Variants in RBFOX1 observed in about 807,000 individuals in gnomAD.
RBFOX1 encodes the protein RNA binding protein fox-1 homolog 1.
Under a neutral mutation model 57.7 loss-of-function variants are expected in RBFOX1, and 8 were observed. The ratio of observed to expected loss-of-function variants is 0.14; its 90% CI spans 0.08 to 0.25. RBFOX1 has a LOEUF of 0.25. RBFOX1 is among the 10% of genes least tolerant of loss of function. RBFOX1 has a pLI of 1.00. For missense variants in RBFOX1, 611 were observed against 548.5 expected (o/e 1.11, Z -1.14); for synonymous variants, 326 against 222.4 (o/e 1.47, Z -4.15).
chr16:7,354,553 C>G (rs1199921713), intron 4 of RBFOX1, among the ~76,000 whole-genome samples: 2 of 152,148 alleles, frequency 1.3e-5, no homozygotes, highest in Non-Finnish European at 2.9e-5. Context: ...ACCTTCTAAA[C>G]TCAGCTTTTC....
At position 7,690,035 on chromosome 16, in the gene RBFOX1, C is replaced by A. The variant is rs558774752; in HGVS notation, c.995+13197C>A. On this transcript the variant is annotated intron_variant, in intron 14 of 15. Transcript: ENST00000550418. Reference sequence around the variant, plus strand: ...CAAAGTTGGAAGAGATTCAGTGATTCAACTCCCTTGAATCCCTTCCTTGAA... The same window carrying A: ...CAAAGTTGGAAGAGATTCAGTGATTAAACTCCCTTGAATCCCTTCCTTGAA... Among the ~76,000 whole-genome samples, 5 of 152,226 alleles carry A rather than the reference C, an allele frequency of 3.3e-5. No individual in the cohort carries two copies. The East Asian group carries it at 5.8e-4, about 18-fold the overall frequency.
chr16:6,772,609 G>C (rs1303172131), intron 3 of RBFOX1, among the ~76,000 whole-genome samples: 1 of 150,414 alleles, frequency 6.6e-6, no homozygotes, highest in East Asian at 2.0e-4. Flanking sequence ...GTGCATTTGT[G>C]AGTGTATGTG....
chr16:7,326,992 T>C (rs557520829), intron 4 of RBFOX1, among the ~76,000 whole-genome samples: 1 of 152,196 alleles, frequency 6.6e-6, no homozygotes, highest in South Asian at 2.1e-4. Flanking sequence ...GCATACTTCC[T>C]TATTTGAGCC....
At chr16:7,310,944 C>T (rs1025364363) in intron 4 of RBFOX1, among the ~76,000 whole-genome samples, 7 of 152,160 alleles carry the variant, frequency 4.6e-5, no homozygotes, top group Non-Finnish European at 8.8e-5. Flanking sequence ...TGCAGTACAA[C>T]GCTTTGGAAA....
chr16:6,523,901 T>C (rs922084576), intron 2 of RBFOX1, among the ~76,000 whole-genome samples: 2 of 152,180 alleles, frequency 1.3e-5, no homozygotes, highest in Admixed American at 6.5e-5. Context: ...TATAGATACT[T>C]ATGGGATGCA....
chr16:7,262,824 G>A (rs565592506), intron 4 of RBFOX1, among the ~76,000 whole-genome samples: 52 of 152,386 alleles, frequency 3.4e-4, no homozygotes, highest in African/African-American at 1.2e-3. Context: ...GTGCTGAAAT[G>A]TGGCTGACTC....
chr16:6,186,898 A>G (rs995379776), intron 1 of RBFOX1, among the ~76,000 whole-genome samples: 1 of 152,162 alleles, frequency 6.6e-6, no homozygotes, highest in Non-Finnish European at 1.5e-5. Flanking sequence ...GTTGGGAGAA[A>G]TCTAATCTTC....
intron 4 of RBFOX1, among the ~76,000 whole-genome samples, chr16:7,284,877 C>A (rs1344984616): frequency 6.6e-6 from 1 of 151,834 alleles, no homozygotes; most frequent in Admixed American, 6.6e-5. Flanking sequence ...CTGGATGTTC[C>A]TTCTTTATTG....
intron 3 of RBFOX1, among the ~76,000 whole-genome samples, chr16:6,899,238 T>C (rs2067843702): frequency 6.6e-6 from 1 of 152,024 alleles, no homozygotes; most frequent in African/African-American, 2.4e-5. Context: ...TGCGTGTCCA[T>C]GTGTATGTTT....
At chr16:6,948,743 T>C (rs1453252433) in intron 3 of RBFOX1, among the ~76,000 whole-genome samples, 1 of 152,184 alleles carries the variant, frequency 6.6e-6, no homozygotes, top group African/African-American at 2.4e-5. Flanking sequence ...AAATGTTCAC[T>C]ACTCCATTCA....
Position 7,713,060 on chromosome 16 carries a change from G to A in RBFOX1, c.*2315G>A, listed in dbSNP as rs147432076. On this transcript the variant is annotated 3_prime_UTR_variant, in exon 16 of 16. Coordinates refer to ENST00000550418, the MANE Select transcript of RBFOX1 (RefSeq NM_018723.4). ...AGATGCCAATAAGTCATTTTAAAAT[G>A]TATGTCAGAGATGTAAACAAACATT... The A allele has an allele frequency of 1.3e-5, 2 of 152,286 alleles. No individual in the cohort carries two copies. The highest frequency in any genetic ancestry group is 6.5e-5 in the Admixed American group (1 of 15,296). 9.4% of individuals were successfully genotyped at this position (152,286 alleles called of 1,614,324 possible).
intron 7 of RBFOX1, among the ~76,000 whole-genome samples, chr16:7,594,560 A>G (rs1371871859): frequency 6.6e-6 from 1 of 152,230 alleles, no homozygotes; most frequent in African/African-American, 2.4e-5. Context: ...GGATTTTGAC[A>G]ATATAGTTTA....
chr16:6,861,216 G>A (rs1184384238), intron 3 of RBFOX1, among the ~76,000 whole-genome samples: 3 of 152,178 alleles, frequency 2.0e-5, no homozygotes, highest in Non-Finnish European at 2.9e-5. Context: ...TTACCGCTGT[G>A]TCTGTGTGTA....
At chr16:6,154,614 G>A (rs188402605) in intron 1 of RBFOX1, among the ~76,000 whole-genome samples, 10 of 152,284 alleles carry the variant, frequency 6.6e-5, no homozygotes, top group African/African-American at 2.4e-4. Flanking sequence ...TATTTCCTTG[G>A]AGAGAGAATC....
chr16:7,392,758 C>T (rs541816129), intron 4 of RBFOX1, among the ~76,000 whole-genome samples: 1 of 152,264 alleles, frequency 6.6e-6, no homozygotes, highest in Admixed American at 6.5e-5. Context: ...ATTGCTGAAT[C>T]TAAGGGTTTG....
intron 5 of RBFOX1, among the ~76,000 whole-genome samples, chr16:7,579,403 CT>C (rs1444320388): frequency 6.6e-6 from 1 of 152,082 alleles, no homozygotes. Flanking sequence ...GAGGTTCTCG[CT>C]CCCCACCTCC....
chr16:7,222,436 C>A (rs1221486860), intron 4 of RBFOX1, among the ~76,000 whole-genome samples: 1 of 152,152 alleles, frequency 6.6e-6, no homozygotes, highest in East Asian at 1.9e-4. Flanking sequence ...CATGTGGCAG[C>A]CCAGAGCTCT....
chr16:7,669,517 C>T (rs1259828535), intron 13 of RBFOX1, among the ~76,000 whole-genome samples: 2 of 152,162 alleles, frequency 1.3e-5, no homozygotes, highest in African/African-American at 2.4e-5. Flanking sequence ...TTATTAAGAA[C>T]ATCCTAAGCG....
intron 4 of RBFOX1, among the ~76,000 whole-genome samples, chr16:7,363,011 A>G (rs1328375150): frequency 6.6e-6 from 1 of 152,146 alleles, no homozygotes; most frequent in African/African-American, 2.4e-5. Flanking sequence ...CCCACATGGA[A>G]TGTCTCCTGA....
Sources: allele counts gnomAD v4.1 joint callset (sites outside exome capture counted in the v4.1 genomes callset), GRCh38; gene constraint gnomAD v4.1.1; transcripts MANE v1.5; gene names NCBI Gene and HGNC (gene_info 2026-07-23, HGNC 2026-07-21).